The following RABGAP1L variants were observed in gnomAD, a reference collection of about 807,000 sequenced individuals.
The protein encoded by RABGAP1L is RAB GTPase activating protein 1 like.
In RABGAP1L, 63 loss-of-function variants were observed where a neutral mutation model predicts 137.7. The ratio of observed to expected loss-of-function variants is 0.46; its 90% CI spans 0.37 to 0.56. The LOEUF is 0.56. Among genes scored for constraint, RABGAP1L ranks in the 20% least tolerant of loss-of-function variants. The pLI is 0.00. For missense variants in RABGAP1L, 1,095 were observed against 1,244.0 expected (o/e 0.88, Z 1.80); for synonymous variants, 431 against 433.7 (o/e 0.99, Z 0.08).
Position 174,579,015 on chromosome 1 carries a change from C to T in RABGAP1L, c.1711-58360C>T, listed in dbSNP as rs1218035477. ...ACATATAGAACACAGTCATTTAAGT[C>T]GCTCAAATTTCTAGAAATAAAATAT... On this transcript the variant is annotated intron_variant, in intron 13 of 25. Coordinates refer to ENST00000681986, the MANE Select transcript of RABGAP1L (RefSeq NM_001366446.1). 3.3e-5 allele frequency among the ~76,000 whole-genome samples: 5 copies of T among 152,044 alleles called. No homozygotes were observed. In the East Asian group the frequency reaches 5.8e-4, roughly 18 times the overall value.
At chr1:174,968,372 C>T (rs960267621) in intron 20 of RABGAP1L, among the ~76,000 whole-genome samples, 10 of 151,986 alleles carry the variant, frequency 6.6e-5, no homozygotes, top group South Asian at 4.1e-4. Context: ...TTAACAGTAG[C>T]AAAGAAAGCA....
intron 1 of RABGAP1L, among the ~76,000 whole-genome samples, chr1:174,188,506 T>A (rs1010944820): frequency 1.3e-5 from 2 of 152,208 alleles, no homozygotes; most frequent in African/African-American, 2.4e-5. Context: ...ATATAAATTA[T>A]GTCAAGTGTT....
intron 1 of RABGAP1L, among the ~76,000 whole-genome samples, chr1:174,170,125 GATAGAAC>G (rs1665232001): frequency 6.6e-6 from 1 of 152,196 alleles, no homozygotes. Context: ...AGACAGTGTA[GATAGAAC>G]ATAGAACCTT....
At chr1:174,859,848 G>GT (rs940213964) in intron 19 of RABGAP1L, among the ~76,000 whole-genome samples, 3 of 122,184 alleles carry the variant, frequency 2.5e-5, no homozygotes, top group African/African-American at 1.3e-4. Context: ...GAACTTAAAA[G>GT]TTAAAAAAAA....
chr1:174,946,940 ATGTGTGTGTGTGTGTG>A (rs755558389), intron 19 of RABGAP1L, among the ~76,000 whole-genome samples: 18 of 60,962 alleles, frequency 3.0e-4, no homozygotes, highest in East Asian at 2.3e-3. Flanking sequence ...ATATATATAT[ATGTGTGTGTGTGTGTG>A]TGTGTGTGTG....
intron 13 of RABGAP1L, among the ~76,000 whole-genome samples, chr1:174,403,255 A>G (rs1190604751): frequency 9.4e-5 from 12 of 128,200 alleles, no homozygotes; most frequent in South Asian, 4.9e-4. Context: ...GTGTATATAT[A>G]TGTGTATACC....
At chr1:174,225,671 A>G (rs1386831646) in intron 3 of RABGAP1L, among the ~76,000 whole-genome samples, 1 of 152,026 alleles carries the variant, frequency 6.6e-6, no homozygotes, top group African/African-American at 2.4e-5. Flanking sequence ...TTAGGGGATT[A>G]TCTTCTTCAG....
intron 19 of RABGAP1L, among the ~76,000 whole-genome samples, chr1:174,899,275 T>C (rs921438718): frequency 5.3e-5 from 8 of 151,686 alleles, no homozygotes; most frequent in African/African-American, 1.9e-4. Context: ...GAGTGCAAGG[T>C]GAGGAGAGCT....
chr1:174,779,514 G>C (rs528293420), intron 18 of RABGAP1L, among the ~76,000 whole-genome samples: 1 of 152,222 alleles, frequency 6.6e-6, no homozygotes, highest in South Asian at 2.1e-4. Context: ...CCTAATCCCA[G>C]AATTGATGCA....
In RABGAP1L at chr1:174,976,181, A is replaced by G. The variant is rs1670625062; in HGVS notation, c.2648A>G (p.Gln883Arg). The G allele has an allele frequency of 1.3e-6, 2 of 1,544,080 alleles. No homozygotes were observed. Among genetic ancestry groups the G allele is most frequent in the Middle Eastern group, 1.7e-4 (1 of 5,978 alleles). Residue 883 changes from glutamine (Q) to arginine (R), a missense_variant and splice_region_variant, in exon 22 of 26, where the codon CAG (glutamine) becomes CGG (arginine). Around this residue, in one of 4 missense-constraint regions of RABGAP1L, gnomAD observed 312 missense variants for 435.6 expected, o/e 0.72. Coordinates refer to ENST00000681986, the MANE Select transcript of RABGAP1L (RefSeq NM_001366446.1). ...AGGAAGCAAGAGGAAGAGACTGCCC[A>G]GGTAAAAGGAATAATATGTAGGCTT... ...EKRKQEEETAQLKEVFRKQLE... is the reference protein window; with the variant it reads ...EKRKQEEETARLKEVFRKQLE...
intron 11 of RABGAP1L, among the ~76,000 whole-genome samples, chr1:174,344,133 A>G (rs562916928): frequency 6.6e-5 from 10 of 152,320 alleles, no homozygotes; most frequent in African/African-American, 1.9e-4. Flanking sequence ...GATGATCTCT[A>G]GTGAGAGCTG....
intron 19 of RABGAP1L, chr1:174,849,595 A>T (rs1167993505): frequency 5.6e-6 from 2 of 360,114 alleles, no homozygotes; most frequent in Admixed American, 3.9e-5. Flanking sequence ...CATGGTAATT[A>T]ACACAATTTA....
At chr1:174,751,871 C>T (rs543862550) in intron 17 of RABGAP1L, among the ~76,000 whole-genome samples, 2 of 152,194 alleles carry the variant, frequency 1.3e-5, no homozygotes, top group Non-Finnish European at 2.9e-5. Context: ...CACAATCTGT[C>T]CCACTTATCA....
intron 10 of RABGAP1L, among the ~76,000 whole-genome samples, chr1:174,297,910 T>C (rs1244595582): frequency 6.6e-6 from 1 of 152,156 alleles, no homozygotes; most frequent in Non-Finnish European, 1.5e-5. Flanking sequence ...GGGTTCCCTT[T>C]CCCTGAGGCC....
rs1357055530 is a variant in RABGAP1L at position 174,597,777 on chromosome 1, A to G, written c.1711-39598A>G. On this transcript the variant is annotated intron_variant, in intron 13 of 25. Transcript: ENST00000681986. ...ATTTCTTTGTTCTACATTTTAATGT[A>G]GGCACTTACTGGTATAAACTTTGCT... Among the ~76,000 whole-genome samples the G allele has an allele frequency of 5.3e-5, 8 of 152,226 alleles. No homozygotes were observed. In the East Asian group the frequency reaches 1.4e-3, roughly 26 times the overall value.
At chr1:174,251,824 T>C (rs1236386295) in intron 6 of RABGAP1L, among the ~76,000 whole-genome samples, 1 of 152,152 alleles carries the variant, frequency 6.6e-6, no homozygotes, top group Non-Finnish European at 1.5e-5. Flanking sequence ...AAACCAGACA[T>C]GTGACAGTCT....
At chr1:174,347,199 A>G (rs1391900046) in intron 11 of RABGAP1L, among the ~76,000 whole-genome samples, 1 of 152,162 alleles carries the variant, frequency 6.6e-6, no homozygotes, top group Non-Finnish European at 1.5e-5. Context: ...TAGCCACTGG[A>G]TCAAATGTTC....
intron 13 of RABGAP1L, among the ~76,000 whole-genome samples, chr1:174,471,844 A>C (rs1394226572): frequency 6.6e-6 from 1 of 152,198 alleles, no homozygotes. Flanking sequence ...CATAATCCCC[A>C]ATATGACTAT....
Position 174,800,024 on chromosome 1 carries a change from G to A in RABGAP1L, c.2212-11808G>A, listed in dbSNP as rs940248124. 19 of 1,138,118 alleles carry A rather than the reference G, an allele frequency of 1.7e-5. No homozygotes were observed. In the Admixed American group the frequency reaches 1.9e-4, roughly 11 times the overall value. The allele number at this position is 1,138,118 out of a possible 1,614,324, so 70.5% of individuals were successfully genotyped here. A position where few individuals can be genotyped will look rare whatever the true frequency, so the allele number is the denominator to read the frequency against. ...CTAGACCCTTCTAAGCAGCTTGTCC[G>A]TTTTTACACATGTATCTGAACTCTC... On this transcript the variant is annotated intron_variant, in intron 18 of 25. Transcript: ENST00000681986.
Sources: allele counts gnomAD v4.1 joint callset (sites outside exome capture counted in the v4.1 genomes callset), GRCh38; gene constraint gnomAD v4.1.1; regional missense constraint gnomAD v4.1.1; transcripts MANE v1.5; gene names NCBI Gene and HGNC (gene_info 2026-07-23, HGNC 2026-07-21).